Variants in NOSTRIN observed in about 807,000 individuals in gnomAD.
The protein encoded by NOSTRIN is BM247 homolog.
In NOSTRIN, 63 loss-of-function variants were observed where a neutral mutation model predicts 59.0. The observed-to-expected ratio is 1.07, with a 90% confidence interval of 0.87 to 1.32. The LOEUF (loss-of-function observed/expected upper bound fraction) is 1.32. Ranked by LOEUF, NOSTRIN falls within the 40% of genes most tolerant of loss-of-function variation. NOSTRIN has a pLI of 0.00. For missense variants in NOSTRIN, 512 were observed against 473.1 expected (o/e 1.08, Z -0.76); for synonymous variants, 200 against 165.4 (o/e 1.21, Z -1.61).
chr2:168,817,116 T>A (rs1686451852), intron 2 of NOSTRIN, among the ~76,000 whole-genome samples: 1 of 152,244 alleles, frequency 6.6e-6, no homozygotes, highest in East Asian at 1.9e-4. Flanking sequence ...ACAGCGTACA[T>A]ACTTCTCTCC....
intron 1 of NOSTRIN, among the ~76,000 whole-genome samples, chr2:168,811,066 C>G (rs1213150161): frequency 6.6e-6 from 1 of 152,130 alleles, no homozygotes; most frequent in East Asian, 1.9e-4. Context: ...TTAAATGAGA[C>G]AGAGGACTAG....
chr2:168,858,467 G>C (rs1267053849), intron 12 of NOSTRIN, among the ~76,000 whole-genome samples: 1 of 152,178 alleles, frequency 6.6e-6, no homozygotes, highest in Non-Finnish European at 1.5e-5. Context: ...GAAGTGCCAT[G>C]TTTGAATCAA....
chr2:168,860,930 A>G (rs761366396), intron 14 of NOSTRIN, 21 bp downstream of exon 14: 9 of 1,542,648 alleles, frequency 5.8e-6, no homozygotes, highest in African/African-American at 2.7e-5. Flanking sequence ...GCCCACAATC[A>G]TTTTGGCCTG....
intron 1 of NOSTRIN, among the ~76,000 whole-genome samples, chr2:168,803,950 A>T (rs1685719870): frequency 6.6e-6 from 1 of 152,176 alleles, no homozygotes; most frequent in African/African-American, 2.4e-5. Flanking sequence ...GTTTTTGTAT[A>T]GGGGCGGCAG....
chr2:168,862,756 C>CTTCAT (rs1689545222), intron 15 of NOSTRIN, among the ~76,000 whole-genome samples: 1 of 151,782 alleles, frequency 6.6e-6, no homozygotes, highest in East Asian at 2.0e-4. Context: ...CAGCCTCAAC[C>CTTCAT]TTCTTTATGT....
intron 7 of NOSTRIN, among the ~76,000 whole-genome samples, chr2:168,838,449 A>G (rs1377230867): frequency 1.3e-5 from 2 of 152,216 alleles, no homozygotes; most frequent in Non-Finnish European, 2.9e-5. Flanking sequence ...CATGTTGGCC[A>G]GGCTGGTCTC....
chr2:168,849,105 G>A (rs1244541913), intron 8 of NOSTRIN, among the ~76,000 whole-genome samples: 2 of 152,196 alleles, frequency 1.3e-5, no homozygotes, highest in Non-Finnish European at 2.9e-5. Context: ...GGAGAACCCA[G>A]TGATCTTTGT....
intron 6 of NOSTRIN, among the ~76,000 whole-genome samples, chr2:168,831,880 G>C (rs1009414832): frequency 6.6e-6 from 1 of 152,208 alleles, no homozygotes; most frequent in Non-Finnish European, 1.5e-5. Context: ...AGGATACAGA[G>C]CTGGTTAATG....
chr2:168,811,061 T>A (rs1686108817), intron 1 of NOSTRIN, among the ~76,000 whole-genome samples: 2 of 152,198 alleles, frequency 1.3e-5, no homozygotes, highest in South Asian at 4.1e-4. Flanking sequence ...TGGAATTAAA[T>A]GAGACAGAGG....
At chr2:168,842,943 G>A (rs1471696374) in intron 7 of NOSTRIN, 49 bp from the exon 8 acceptor site, 1 of 854,948 alleles carries the variant, frequency 1.2e-6, no homozygotes, top group Non-Finnish European at 2.0e-6. Flanking sequence ...ATTACAAAGG[G>A]CTTTCAAAAA....
chr2:168,837,919 T>G (rs1687834497), intron 7 of NOSTRIN, among the ~76,000 whole-genome samples: 1 of 152,228 alleles, frequency 6.6e-6, no homozygotes. Context: ...GATTTCTTTA[T>G]GGGCTCCCTT....
rs781232457 is a variant in NOSTRIN at position 168,855,360 on chromosome 2, T to C, written c.864T>C (p.Asp288=). Residue 288 remains aspartate (D), a synonymous_variant, in exon 11 of 16, where the codon GAT becomes GAC. Coordinates refer to ENST00000317647, the MANE Select transcript of NOSTRIN (RefSeq NM_001039724.4). ...CTTCTTTTTTCCTAAAGGAAGAAGA[T>C]CCTAACAGTGCAATGGATAAAGAGA... The part of the protein sequence containing the change: ...EFLLTDYFEE[D]PNSAMDKERR... The C allele has an allele frequency of 2.2e-5, 34 of 1,570,176 alleles. No individual in the cohort carries two copies. Among genetic ancestry groups the C allele is most frequent in the Admixed American group, 6.9e-5 (4 of 57,670 alleles).
chr2:168,849,902 T>C (rs1688652109), intron 8 of NOSTRIN, among the ~76,000 whole-genome samples: 1 of 136,476 alleles, frequency 7.3e-6, no homozygotes, highest in African/African-American at 2.8e-5. Flanking sequence ...ATGGGTCCAA[T>C]AAGTAACATT....
At chr2:168,840,667 G>A (rs1170985302) in intron 7 of NOSTRIN, among the ~76,000 whole-genome samples, 3 of 152,070 alleles carry the variant, frequency 2.0e-5, no homozygotes, top group African/African-American at 4.8e-5. Flanking sequence ...CATTTTGGAT[G>A]AATGTTTTTC....
upstream of NOSTRIN, chr2:168,800,921 C>A (rs2010235): frequency 0.68 from 98,367 of 145,500 alleles, 33,976 homozygotes; most frequent in East Asian, 0.96. Flanking sequence ...AAAAAAAAAA[C>A]AAAAAAAGAG....
At chr2:168,788,380 G>A (rs1481481323) in intron 2 of NOSTRIN, among the ~76,000 whole-genome samples, 1 of 152,112 alleles carries the variant, frequency 6.6e-6, no homozygotes, top group Non-Finnish European at 1.5e-5. Flanking sequence ...TCTCTGCTAG[G>A]TGAGGGAATC....
intron 3 of NOSTRIN, among the ~76,000 whole-genome samples, chr2:168,825,630 A>G (rs1022348098): frequency 2.0e-5 from 3 of 152,220 alleles, no homozygotes; most frequent in African/African-American, 4.8e-5. Flanking sequence ...ATTCTTTTCA[A>G]TATATTGCAG....
intron 1 of NOSTRIN, among the ~76,000 whole-genome samples, chr2:168,806,882 T>C (rs1444023685): frequency 6.6e-6 from 1 of 152,168 alleles, no homozygotes; most frequent in Non-Finnish European, 1.5e-5. Flanking sequence ...TGCTGGTTAA[T>C]GACATCAAGA....
rs754773687 is a variant in NOSTRIN at position 168,851,312 on chromosome 2, A to G, written c.763A>G (p.Ile255Val). ...HTQIHCAISK[I>V]DIEKDIQAVM... ...GCAGATTCACTGTGCCATCAGCAAG[A>G]TTGACATTGAAAAAGATATCCAGGC... Residue 255 changes from isoleucine (I) to valine (V), a missense_variant, in exon 10 of 16, where the codon ATT becomes GTT. Ile to Val is a conservative substitution (Grantham distance 29). Transcript: ENST00000317647. 3 of 1,613,934 alleles carry G rather than the reference A, an allele frequency of 1.9e-6. No individual in the cohort carries two copies. Among genetic ancestry groups the G allele is most frequent in the East Asian group, 4.5e-5 (2 of 44,872 alleles).
Sources: gnomAD v4.1 joint callset for allele counts (sites outside exome capture counted in the v4.1 genomes callset) on GRCh38, gnomAD v4.1.1 for gene constraint, MANE v1.5 for transcripts, NCBI Gene and HGNC (gene_info 2026-07-23, HGNC 2026-07-21) for gene names.